LHPP: variants seen among roughly 807,000 people sequenced by gnomAD.
The protein encoded by LHPP is hLHPP.
LHPP carries 24 observed loss-of-function variants against 30.3 expected under a neutral mutation model. The ratio of observed to expected loss-of-function variants is 0.79; its 90% CI spans 0.57 to 1.11. LHPP has a LOEUF of 1.11. Among genes scored for constraint, LHPP ranks in the 50% most tolerant of loss-of-function variants. LHPP has a pLI of 0.00. For synonymous variants in LHPP, 150 were observed against 157.1 expected (o/e 0.95, Z 0.34); for missense variants, 356 against 367.2 (o/e 0.97, Z 0.25).
chr10:124,475,880 C>T (rs1952929221), intron 1 of LHPP, among the ~76,000 whole-genome samples: 1 of 152,190 alleles, frequency 6.6e-6, no homozygotes, highest in African/African-American at 2.4e-5. Context: ...GCCTTAGTAT[C>T]CCCCTCTGTG....
At chr10:124,476,717 AAAC>A (rs1475330826) in intron 1 of LHPP, among the ~76,000 whole-genome samples, 1 of 152,180 alleles carries the variant, frequency 6.6e-6, no homozygotes, top group Non-Finnish European at 1.5e-5. Context: ...TCTATTGAAA[AAAC>A]AACTCTGCTC....
chr10:124,520,286 C>T (rs1203037240), intron 6 of LHPP, among the ~76,000 whole-genome samples: 1 of 151,656 alleles, frequency 6.6e-6, no homozygotes, highest in African/African-American at 2.4e-5. Flanking sequence ...TCCTCTCCCT[C>T]CTCCCCTCTT....
At chr10:124,466,371 C>A (rs1206814301) in intron 1 of LHPP, among the ~76,000 whole-genome samples, 1 of 152,164 alleles carries the variant, frequency 6.6e-6, no homozygotes, top group Non-Finnish European at 1.5e-5. Context: ...CTGGGAAGAG[C>A]TGGAGGATAA....
intron 6 of LHPP, among the ~76,000 whole-genome samples, chr10:124,537,985 TCTGA>T (rs1235411352): frequency 4.6e-5 from 7 of 152,186 alleles, no homozygotes; most frequent in African/African-American, 7.2e-5. Flanking sequence ...TTGACCCCAC[TCTGA>T]CTGAGCACTG....
At chr10:124,566,204 C>A (rs1948488518) in intron 6 of LHPP, among the ~76,000 whole-genome samples, 1 of 152,210 alleles carries the variant, frequency 6.6e-6, no homozygotes, top group Non-Finnish European at 1.5e-5. Flanking sequence ...GGAGACCGGG[C>A]GTGTGGTTAT....
At chr10:124,485,254 C>T (rs1175874615) in intron 2 of LHPP, among the ~76,000 whole-genome samples, 1 of 152,016 alleles carries the variant, frequency 6.6e-6, no homozygotes, top group Non-Finnish European at 1.5e-5. Context: ...AGAACATGGT[C>T]TTCAAAGAAA....
intron 6 of LHPP, among the ~76,000 whole-genome samples, chr10:124,532,787 G>A (rs1954930547): frequency 6.6e-6 from 1 of 152,222 alleles, no homozygotes; most frequent in Non-Finnish European, 1.5e-5. Flanking sequence ...TGGTAAGGGT[G>A]TAGCAGGACA....
chr10:124,558,482 T>C (rs1362614917), intron 6 of LHPP, among the ~76,000 whole-genome samples: 1 of 151,744 alleles, frequency 6.6e-6, no homozygotes. Flanking sequence ...CTGTCCCCGC[T>C]TGGCGTTGGA....
At chr10:124,521,431 G>T (rs908707957) in intron 6 of LHPP, among the ~76,000 whole-genome samples, 3 of 152,254 alleles carry the variant, frequency 2.0e-5, no homozygotes, top group Non-Finnish European at 4.4e-5. Context: ...TGCAGCTGAG[G>T]CATGTCGTCG....
chr10:124,579,195 C>T (rs1027770067), intron 6 of LHPP, among the ~76,000 whole-genome samples: 2 of 152,218 alleles, frequency 1.3e-5, no homozygotes, highest in Admixed American at 6.5e-5. Context: ...TCTCCCGGGC[C>T]GAGCGTTCTG....
intron 6 of LHPP, chr10:124,553,802 A>G (rs1302357009): frequency 2.7e-6 from 2 of 744,838 alleles, no homozygotes; most frequent in Non-Finnish European, 3.3e-6. Context: ...TGATATTGTC[A>G]CCTTGGGAGC....
chr10:124,516,115 CTG>C (rs1301606105), intron 5 of LHPP, among the ~76,000 whole-genome samples: 2 of 152,250 alleles, frequency 1.3e-5, no homozygotes, highest in Non-Finnish European at 2.9e-5. Flanking sequence ...ACACCACAGA[CTG>C]TGTGGATTCA....
intron 6 of LHPP, among the ~76,000 whole-genome samples, chr10:124,520,110 G>A (rs1267870729): frequency 6.6e-6 from 1 of 151,978 alleles, no homozygotes; most frequent in Non-Finnish European, 1.5e-5. Flanking sequence ...TAGGATTACA[G>A]GTGTGAGCCA....
chr10:124,595,197 G>A (rs948270356), intron 6 of LHPP, among the ~76,000 whole-genome samples: 1 of 152,172 alleles, frequency 6.6e-6, no homozygotes, highest in African/African-American at 2.4e-5. Context: ...GGCAGGGTTG[G>A]GGGGTGAACA....
At chr10:124,556,179 C>T (rs888020785) in intron 6 of LHPP, among the ~76,000 whole-genome samples, 7 of 152,208 alleles carry the variant, frequency 4.6e-5, no homozygotes, top group African/African-American at 1.7e-4. Flanking sequence ...GACCAGCCCA[C>T]CATCCAGAGG....
intron 6 of LHPP, among the ~76,000 whole-genome samples, chr10:124,529,034 T>C (rs1480923616): frequency 2.8e-5 from 4 of 144,192 alleles, no homozygotes; most frequent in Admixed American, 1.4e-4. Context: ...TTCTTTTTTT[T>C]TTTTTTTTTT....
At chr10:124,548,048 C>G (rs1955396388) in intron 6 of LHPP, among the ~76,000 whole-genome samples, 1 of 152,210 alleles carries the variant, frequency 6.6e-6, no homozygotes, top group South Asian at 2.1e-4. Context: ...CTCCGGTCAG[C>G]AAGCTCCCTT....
chr10:124,474,132 C>CTTTTTTT (rs544464876), intron 1 of LHPP, among the ~76,000 whole-genome samples: 13 of 71,902 alleles, frequency 1.8e-4, no homozygotes, highest in Admixed American at 8.5e-4. Flanking sequence ...TTGCTTTGCC[C>CTTTTTTT]TTTTTTTTTT....
intron 6 of LHPP, among the ~76,000 whole-genome samples, chr10:124,545,582 CTCCCA>C (rs1955314883): frequency 1.3e-5 from 2 of 152,108 alleles, no homozygotes; most frequent in Non-Finnish European, 2.9e-5. Flanking sequence ...CTGGCAGCTG[CTCCCA>C]GGTAGCAGGA....
Sources: allele counts gnomAD v4.1 joint callset (sites outside exome capture counted in the v4.1 genomes callset), GRCh38; gene constraint gnomAD v4.1.1; transcripts MANE v1.5; gene names NCBI Gene and HGNC (gene_info 2026-07-23, HGNC 2026-07-21).